The following LMNA variants were observed in gnomAD, a reference collection of about 807,000 sequenced individuals.
The protein encoded by LMNA is lamin A/C.
In LMNA, 20 loss-of-function variants were observed where a neutral mutation model predicts 70.4. That is an observed-to-expected ratio of 0.28 (90% CI 0.20 to 0.41). The LOEUF is 0.41. LMNA is among the 10% of genes least tolerant of loss of function. The pLI, the probability that LMNA is intolerant of heterozygous loss-of-function variation, is 1.00. For synonymous variants in LMNA, 339 were observed against 372.8 expected (o/e 0.91, Z 1.04); for missense variants, 652 against 917.2 (o/e 0.71, Z 3.73).
In LMNA at chr1:156,134,520, T is replaced by C; in HGVS notation, c.631T>C (p.Tyr211His). 6.2e-7 allele frequency: 1 copy of C among 1,614,034 alleles called. No homozygotes were observed. Among genetic ancestry groups the C allele is most frequent in the Non-Finnish European group, 8.5e-7 (1 of 1,180,052 alleles). Residue 211 changes from tyrosine to histidine, a missense_variant, in exon 3 of 12, where the codon TAC (tyrosine) becomes CAC (histidine). Transcript: ENST00000368300. The surrounding 1 kb of genome is among the most constrained non-coding windows in gnomAD (Gnocchi z 5.3). ...KEELDFQKNI[Y>H]SEELRETKRR... ...GGAACTGGACTTCCAGAAGAACATC[T>C]ACAGTGAGGTGGGGACTGTGCTTTG...
chr1:156,117,929 A>AATAGCTGAG (rs1169810743), intron 1 of LMNA, among the ~76,000 whole-genome samples: 1 of 150,402 alleles, frequency 6.6e-6, no homozygotes, highest in Non-Finnish European at 1.5e-5. Flanking sequence ...CACCTTCCGG[A>AATAGCTGAG]ATAGCTGAGA....
rs553939149 is a variant in LMNA at position 156,115,318 on chromosome 1, G to A, written c.356+44G>A. On this transcript the variant is annotated intron_variant, in intron 1 of 11. Transcript: ENST00000368300. The surrounding 1 kb of genome is among the most constrained non-coding windows in gnomAD (Gnocchi z 5.8). ...CTGCGTGCCTGGCGGGGAGTGGAGA[G>A]GGCGGCGGGCCGGCGCCCCTGGCCG... 8.2e-5 allele frequency: 127 copies of A among 1,549,204 alleles called. No homozygotes were observed. In the South Asian group the frequency reaches 1.4e-3, roughly 17 times the overall value.
At chr1:156,114,641 T>G, upstream of LMNA, 4 of 265,660 alleles carry the variant, frequency 1.5e-5, no homozygotes, top group East Asian at 9.8e-5. Context: ...GACTGCCCCT[T>G]TAAGAGTAGT....
chr1:156,122,361 G>C (rs1650249335), intron 1 of LMNA, among the ~76,000 whole-genome samples: 1 of 152,172 alleles, frequency 6.6e-6, no homozygotes, highest in Non-Finnish European at 1.5e-5. Context: ...GACCCACAAA[G>C]TGAGAAAACA....
intron 2 of LMNA, among the ~76,000 whole-genome samples, chr1:156,131,041 G>A (rs1336182692): frequency 1.3e-5 from 2 of 152,166 alleles, no homozygotes; most frequent in Non-Finnish European, 2.9e-5. Flanking sequence ...GGAGGCCGAG[G>A]TGGGCCGATC....
At chr1:156,094,900 C>T (rs1046298519) in intron 3 of LMNA, among the ~76,000 whole-genome samples, 1 of 151,798 alleles carries the variant, frequency 6.6e-6, no homozygotes, top group Non-Finnish European at 1.5e-5. Context: ...GCTGAGATTA[C>T]AGGCGTTTGT....
intron 2 of LMNA, among the ~76,000 whole-genome samples, chr1:156,132,395 G>A (rs1174237859): frequency 5.9e-5 from 9 of 151,888 alleles, no homozygotes; most frequent in South Asian, 2.1e-4. Context: ...GCTTGAACCC[G>A]GGAGGTGGAG....
chr1:156,139,032 G>T (rs372303678), intron 11 of LMNA, 48 bp from the exon 12 acceptor site: 4 of 1,602,174 alleles, frequency 2.5e-6, no homozygotes, highest in Non-Finnish European at 3.4e-6. Context: ...GGAGGGTCTG[G>T]GTCCAGGCCC....
chr1:156,136,068 C>T lies in LMNA; in HGVS notation c.1104C>T (p.Ala368=). The T allele has an allele frequency of 3.1e-6, 5 of 1,614,048 alleles. No homozygotes were observed. Among genetic ancestry groups the T allele is most frequent in the South Asian group, 1.1e-5 (1 of 91,074 alleles). The stretch of plus-strand genomic sequence containing the variant: ...AGGAGCTTCTGGACATCAAGCTGGC[C>T]CTGGACATGGAGATCCACGCCTACC... ...EYQELLDIKL[A]LDMEIHAYRK... is the part of the protein sequence containing the mutation. The change falls in exon 6 of 12, where the codon GCC becomes GCT. Residue 368 remains alanine, a synonymous_variant. Transcript: ENST00000368300. This position sits in a 1 kb window ranked among gnomAD's most constrained non-coding sequence, Gnocchi z 6.1.
chr1:156,085,903 A>C (rs1303966545), intron 2 of LMNA, among the ~76,000 whole-genome samples: 2 of 152,206 alleles, frequency 1.3e-5, no homozygotes, highest in Non-Finnish European at 2.9e-5. Context: ...TAAAAATACA[A>C]AAATTAGCTG....
chr1:156,110,637 G>T (rs778982191), upstream of LMNA, among the ~76,000 whole-genome samples: 28 of 143,824 alleles, frequency 1.9e-4, no homozygotes, highest in Admixed American at 1.1e-3. Flanking sequence ...TTGACTCCAG[G>T]AGTTCAAGAC....
chr1:156,137,275 C>T lies in LMNA; in HGVS notation c.1608+43C>T, dbSNP rs1330685582. 3.9e-6 allele frequency: 6 copies of T among 1,541,436 alleles called. No individual in the cohort carries two copies. The highest frequency in any genetic ancestry group is 5.2e-6 in the Non-Finnish European group (6 of 1,148,874). On this transcript the variant is annotated intron_variant, in intron 9 of 11. Transcript: ENST00000368300. The surrounding 1 kb of genome is among the most constrained non-coding windows in gnomAD (Gnocchi z 4.6). ...TGGCTGCTTGCTGGACGAGGCTCCC[C>T]CTGATGGCCAACATCGGAGCCAGCT...
At position 156,117,689 on chromosome 1, in the gene LMNA, C is replaced by T. The variant is rs2300897; in HGVS notation, c.356+2415C>T. 6.5e-3 allele frequency among the ~76,000 whole-genome samples: 982 copies of T among 151,824 alleles called. 39 individuals carry two copies. In the East Asian group the frequency reaches 0.11, roughly 17 times the overall value. On this transcript the variant is annotated intron_variant, in intron 1 of 11. Coordinates refer to ENST00000368300, the MANE Select transcript of LMNA (RefSeq NM_170707.4). ...GACCACAGGCAGGCACCACCACCCA[C>T]AGCTAATGTTTTTGTATTATTTTGT...
chr1:156,100,268 A>T (rs1649097225), intron 3 of LMNA, among the ~76,000 whole-genome samples: 1 of 152,196 alleles, frequency 6.6e-6, no homozygotes, highest in South Asian at 2.1e-4. Flanking sequence ...GACCTGCTTT[A>T]TAGGTAGGCA....
chr1:156,127,026 C>G (rs956656438), intron 1 of LMNA: 35 of 975,304 alleles, frequency 3.6e-5, no homozygotes, highest in Admixed American at 6.3e-5. Flanking sequence ...CTGCCCCACC[C>G]TGTCCTCCCT....
rs770377415 is a variant in LMNA, at chr1:156,135,358, C to A, written c.936+46C>A. 1 of 1,554,772 alleles carries A rather than the reference C, an allele frequency of 6.4e-7. No individual in the cohort carries two copies. Among genetic ancestry groups the A allele is most frequent in the Non-Finnish European group, 8.7e-7 (1 of 1,144,396 alleles). On this transcript the variant is annotated intron_variant, in intron 5 of 11. Transcript: ENST00000368300. This position sits in a 1 kb window ranked among gnomAD's most constrained non-coding sequence, Gnocchi z 4.8. ...TCTCTCCAGGGGCCTAGAGTCTGGG[C>A]CGGATGCAGGCTGGAAGCCCAGGGT...
At position 156,138,732 on chromosome 1, in the gene LMNA, T is replaced by G. The variant is rs1651880438; in HGVS notation, c.1943T>G (p.Leu648Arg). Residue 648 changes from leucine (L) to arginine (R), a missense_variant, in exon 11 of 12, where the codon CTG becomes CGG. Coordinates refer to ENST00000368300, the MANE Select transcript of LMNA (RefSeq NM_170707.4). This position sits in a 1 kb window ranked among gnomAD's most constrained non-coding sequence, Gnocchi z 5.5. ...AATCTGGTCACCCGCTCCTACCTCCTGGGCAACTCCAGCCCCCGAACCCAG... is the reference window on the plus strand; with the variant it reads ...AATCTGGTCACCCGCTCCTACCTCCGGGGCAACTCCAGCCCCCGAACCCAG... Reference protein sequence around the residue: ...GDNLVTRSYLLGNSSPRTQSP... With the variant: ...GDNLVTRSYLRGNSSPRTQSP... The G allele has an allele frequency of 1.2e-6, 2 of 1,613,414 alleles. No individual in the cohort carries two copies. Among genetic ancestry groups the G allele is most frequent in the Non-Finnish European group, 1.7e-6 (2 of 1,179,982 alleles).
At chr1:156,096,813 C>T (rs1648952323) in intron 3 of LMNA, among the ~76,000 whole-genome samples, 1 of 152,266 alleles carries the variant, frequency 6.6e-6, no homozygotes, top group African/African-American at 2.4e-5. Context: ...CTGTCGGTCT[C>T]TCCCCTTGGC....
At chr1:156,092,747 A>G (rs1474612798) in intron 3 of LMNA, among the ~76,000 whole-genome samples, 1 of 150,584 alleles carries the variant, frequency 6.6e-6, no homozygotes, top group Non-Finnish European at 1.5e-5. Flanking sequence ...CCCCGTTGCC[A>G]TCAGATTCAC....
Sources: allele counts gnomAD v4.1 joint callset (sites outside exome capture counted in the v4.1 genomes callset), GRCh38; gene constraint gnomAD v4.1.1; non-coding constraint Gnocchi (gnomAD v3.1); transcripts MANE v1.5; gene names NCBI Gene and HGNC (gene_info 2026-07-23, HGNC 2026-07-21).